The following TMEM17 variants were observed in gnomAD, a reference collection of about 807,000 sequenced individuals.
The protein encoded by TMEM17 is transmembrane protein 17.
TMEM17 carries 15 observed loss-of-function variants against 19.1 expected under a neutral mutation model. The ratio of observed to expected loss-of-function variants is 0.78; its 90% CI spans 0.52 to 1.21. The LOEUF is 1.21. Ranked by LOEUF, TMEM17 falls within the 50% of genes most tolerant of loss-of-function variation. The probability of loss-of-function intolerance (pLI) is 0.00; values close to 1 mark genes in which losing one functional copy is unlikely to be tolerated. For missense variants in TMEM17, 245 were observed against 242.3 expected (o/e 1.01, Z -0.07); for synonymous variants, 103 against 86.9 (o/e 1.19, Z -1.03).
chr2:62,470,382 C>A, the TMEM17 span, among the ~76,000 whole-genome samples: 1 of 152,222 alleles, frequency 6.6e-6, no homozygotes, highest in East Asian at 1.9e-4. Context: ...TACATGTTCC[C>A]ATGCAGAGTT....
At chr2:62,472,550 G>A in the TMEM17 span, among the ~76,000 whole-genome samples, 5 of 152,188 alleles carry the variant, frequency 3.3e-5, no homozygotes, top group Admixed American at 2.6e-4. Context: ...TGCTGGGGAT[G>A]GAAGTTTTGC....
chr2:62,481,715 G>GTGTGTGTGTGTGTA, the TMEM17 span, among the ~76,000 whole-genome samples: 5 of 151,648 alleles, frequency 3.3e-5, no homozygotes, highest in African/African-American at 1.2e-4. Context: ...GTGTGTGTGT[G>GTGTGTGTGTGTGTA]TGTGTGTGTG....
chr2:62,461,847 G>A, the TMEM17 span, among the ~76,000 whole-genome samples: 5 of 152,206 alleles, frequency 3.3e-5, no homozygotes, highest in South Asian at 4.1e-4. Context: ...TGTAATGGCC[G>A]AGCTGGGCTG....
the TMEM17 span, among the ~76,000 whole-genome samples, chr2:62,462,643 C>T: frequency 6.6e-6 from 1 of 152,176 alleles, no homozygotes; most frequent in African/African-American, 2.4e-5. Flanking sequence ...GCTGAAAAGG[C>T]CCCTCGAGGC....
At chr2:62,495,495 C>T (rs1448431488), downstream of TMEM17, among the ~76,000 whole-genome samples, 2 of 152,076 alleles carry the variant, frequency 1.3e-5, no homozygotes, top group Admixed American at 6.6e-5. Flanking sequence ...TGATTTAAAA[C>T]CCCCAAATTA....
At chr2:62,504,396 AAAG>A (rs1296853941) in intron 1 of TMEM17, among the ~76,000 whole-genome samples, 2 of 152,206 alleles carry the variant, frequency 1.3e-5, no homozygotes, top group East Asian at 1.9e-4. Flanking sequence ...TCCAATCCAC[AAAG>A]AAGAAAATTT....
chr2:62,504,504 G>A (rs966451039), intron 1 of TMEM17, among the ~76,000 whole-genome samples: 6 of 152,170 alleles, frequency 3.9e-5, no homozygotes, highest in Non-Finnish European at 8.8e-5. Context: ...CATGTTAGAA[G>A]TATTGTGTGT....
chr2:62,479,133 C>T, the TMEM17 span, among the ~76,000 whole-genome samples: 3 of 152,192 alleles, frequency 2.0e-5, no homozygotes, highest in African/African-American at 4.8e-5. Context: ...TATAGTCATT[C>T]GGCACTGGCA....
At chr2:62,490,268 A>G in the TMEM17 span, among the ~76,000 whole-genome samples, 1 of 151,784 alleles carries the variant, frequency 6.6e-6, no homozygotes, top group East Asian at 1.9e-4. Flanking sequence ...TGTGTGTATT[A>G]TTATTATTAT....
the TMEM17 span, among the ~76,000 whole-genome samples, chr2:62,462,890 C>A: frequency 6.6e-6 from 1 of 152,192 alleles, no homozygotes; most frequent in African/African-American, 2.4e-5. Flanking sequence ...CCTCCTGAGC[C>A]CTCTGCCCCT....
At position 62,502,539 on chromosome 2, in the gene TMEM17, T is replaced by C. The variant is rs4672527; in HGVS notation, c.216A>G (p.Leu72=). Residue 72 remains leucine, a synonymous_variant, in exon 3 of 4, where the codon TTA becomes TTG. Coordinates refer to ENST00000335390, the MANE Select transcript of TMEM17 (RefSeq NM_198276.3). Reference sequence around the variant, plus strand: ...TCACAATGAATTTGTAGTAGTCAGGTAAGATTGAATACTAAAAGAAAAGCC... The same window carrying C: ...TCACAATGAATTTGTAGTAGTCAGGCAAGATTGAATACTAAAAGAAAAGCC... ...IMMLHMKYSI[L]PDYYKFIVIT... is the part of the protein sequence containing the mutation. The C allele has an allele frequency of 0.88, 1,403,786 of 1,601,208 alleles. 617,038 individuals are homozygous for C. Among genetic ancestry groups the C allele is most frequent in the Non-Finnish European group, 0.89 (1,041,187 of 1,170,634 alleles).
downstream of TMEM17, among the ~76,000 whole-genome samples, chr2:62,497,183 C>T (rs1027729914): frequency 2.0e-5 from 3 of 152,188 alleles, no homozygotes; most frequent in East Asian, 5.8e-4. Context: ...AGCTTGTTCT[C>T]GCCTAACTTA....
the TMEM17 span, among the ~76,000 whole-genome samples, chr2:62,487,669 A>C: frequency 6.6e-6 from 1 of 152,254 alleles, no homozygotes; most frequent in South Asian, 2.1e-4. Flanking sequence ...AAATAAAAAA[A>C]TAAAACTTGC....
At chr2:62,489,261 C>T in the TMEM17 span, among the ~76,000 whole-genome samples, 2 of 152,216 alleles carry the variant, frequency 1.3e-5, no homozygotes, top group Non-Finnish European at 2.9e-5. Context: ...CTGTTTCCAG[C>T]ACATTTTTCC....
At chr2:62,477,514 A>T in the TMEM17 span, among the ~76,000 whole-genome samples, 2 of 152,228 alleles carry the variant, frequency 1.3e-5, no homozygotes, top group African/African-American at 4.8e-5. Flanking sequence ...TAACTCCCTC[A>T]CAGTCAGAGC....
At chr2:62,470,473 A>T in the TMEM17 span, among the ~76,000 whole-genome samples, 107 of 152,356 alleles carry the variant, frequency 7.0e-4, no homozygotes, top group South Asian at 1.7e-3. Flanking sequence ...ATTTGGGCTC[A>T]TGCCACAGCC....
the TMEM17 span, among the ~76,000 whole-genome samples, chr2:62,479,008 G>A: frequency 6.6e-6 from 1 of 152,120 alleles, no homozygotes; most frequent in Admixed American, 6.5e-5. Flanking sequence ...TACATATAAT[G>A]TATAGTGATC....
At chr2:62,456,164 T>C in the TMEM17 span, among the ~76,000 whole-genome samples, 4 of 152,246 alleles carry the variant, frequency 2.6e-5, no homozygotes, top group Non-Finnish European at 5.9e-5. Flanking sequence ...GTCCTGTGGC[T>C]GCTGTAACAA....
At chr2:62,496,791 C>A (rs1679788396), downstream of TMEM17, among the ~76,000 whole-genome samples, 1 of 152,106 alleles carries the variant, frequency 6.6e-6, no homozygotes, top group African/African-American at 2.4e-5. Context: ...TCAGATAGAG[C>A]TCTATTTAAG....
Sources: gnomAD v4.1 joint callset for allele counts (sites outside exome capture counted in the v4.1 genomes callset) on GRCh38, gnomAD v4.1.1 for gene constraint, MANE v1.5 for transcripts, NCBI Gene and HGNC (gene_info 2026-07-23, HGNC 2026-07-21) for gene names.